The following RIPK4 variants were observed in gnomAD, a reference collection of about 807,000 sequenced individuals.
RIPK4 encodes receptor-interacting serine/threonine-protein kinase 4.
In RIPK4, 17 loss-of-function variants were observed where a neutral mutation model predicts 42.9. The observed-to-expected ratio is 0.40, with a 90% confidence interval of 0.27 to 0.59. RIPK4 has a LOEUF of 0.59. RIPK4 is among the 20% of genes least tolerant of loss of function. The pLI is 0.47. For synonymous variants in RIPK4, 498 were observed against 499.1 expected (o/e 1.00, Z 0.03); for missense variants, 897 against 1,104.4 (o/e 0.81, Z 2.66).
chr21:41,758,099 CA>C (rs2061210748), intron 1 of RIPK4, among the ~76,000 whole-genome samples: 1 of 113,488 alleles, frequency 8.8e-6, no homozygotes, highest in African/African-American at 3.5e-5. Context: ...ATAGACATAA[CA>C]TAGTATTTAT....
chr21:41,749,228 G>C (rs1353897907), intron 3 of RIPK4, 25 bp from the exon 4 acceptor site: 4 of 1,613,116 alleles, frequency 2.5e-6, no homozygotes. Context: ...AGGCACGTTA[G>C]CATCTGACAG....
chr21:41,758,041 T>TAC (rs1452050960), intron 1 of RIPK4, among the ~76,000 whole-genome samples: 2 of 58,518 alleles, frequency 3.4e-5, no homozygotes, highest in East Asian at 9.5e-4. Flanking sequence ...TATATATATA[T>TAC]AGAGAGAGAG....
intron 5 of RIPK4, 101 bp from the exon 6 acceptor site, chr21:41,745,963 C>A: frequency 4.0e-6 from 4 of 998,344 alleles, no homozygotes; most frequent in Non-Finnish European, 3.2e-6. Context: ...GGATTTCTCA[C>A]ACGCCTCGGC....
rs73906705 is a variant in RIPK4 at position 41,746,895 on chromosome 21, A to G, written c.674-124T>C. 4,078 of 1,096,478 alleles carry G rather than the reference A, an allele frequency of 3.7e-3. 117 individuals are homozygous for G. The African/African-American group carries it at 0.057, about 15-fold the overall frequency. The allele number at this position is 1,096,478 out of a possible 1,614,324, so 67.9% of individuals were successfully genotyped here. A position where few individuals can be genotyped will look rare whatever the true frequency, so the allele number is the denominator to read the frequency against. On this transcript the variant is annotated intron_variant, in intron 4 of 7. Coordinates refer to ENST00000332512, the MANE Select transcript of RIPK4 (RefSeq NM_020639.3). ...GCCATCCCCACACCACCCCAGGGAG[A>G]CGGCTCCCCCACTCCGTTTCAAAGG...
chr21:41,740,989 C>A lies in RIPK4; in HGVS notation c.2204G>T (p.Gly735Val). 6.2e-7 allele frequency: 1 copy of A among 1,610,960 alleles called. No individual in the cohort carries two copies. The highest frequency in any genetic ancestry group is 1.1e-5 in the South Asian group (1 of 91,036). ...GGCGGCCAGGTGCAGCGCGCTGAGC[C>A]CCTGCTCGTCGAACAGGTCAATGAC... ...ADVIDLFDEQGLSALHLAAQG... is the reference protein window; with the variant it reads ...ADVIDLFDEQVLSALHLAAQG... The change falls in exon 8 of 8, where the codon GGG becomes GTG. Residue 735 changes from glycine to valine, a missense_variant. Transcript: ENST00000332512.
At chr21:41,761,735 G>C (rs2061220947) in intron 1 of RIPK4, among the ~76,000 whole-genome samples, 1 of 152,224 alleles carries the variant, frequency 6.6e-6, no homozygotes, top group Non-Finnish European at 1.5e-5. Context: ...TGAGAACAAT[G>C]TCAATCAAAG....
In RIPK4 at chr21:41,742,083, G is replaced by A. The variant is rs2061156537; in HGVS notation, c.1196-86C>T. 3 of 1,203,336 alleles carry A rather than the reference G, an allele frequency of 2.5e-6. No individual in the cohort carries two copies. The Admixed American group carries it at 6.8e-5, about 27-fold the overall frequency. The allele number at this position is 1,203,336 out of a possible 1,614,324, so 74.5% of individuals were successfully genotyped here. On this transcript the variant is annotated intron_variant, in intron 7 of 7. Coordinates refer to ENST00000332512, the MANE Select transcript of RIPK4 (RefSeq NM_020639.3). This position sits in a 1 kb window ranked among gnomAD's most constrained non-coding sequence, Gnocchi z 5.1. ...CTGGGAGCCTGGCTGTGGCGCTCAG[G>A]TGGAGGAGTGCCATGGCCTCCAGGC...
At chr21:41,748,500 C>A (rs1190966521) in intron 4 of RIPK4, among the ~76,000 whole-genome samples, 1 of 152,202 alleles carries the variant, frequency 6.6e-6, no homozygotes, top group East Asian at 1.9e-4. Context: ...GGGAAGCAAA[C>A]ACCACAGCTC....
rs2061163093 is a variant in RIPK4 at position 41,744,112 on chromosome 21, G to A, written c.965C>T (p.Ser322Phe). The stretch of plus-strand genomic sequence containing the variant: ...GTAGTCGTTATCGAAGGTGGGGGCA[G>A]AGGCCCGCTTGAGCCTCGCAGGCAC... ...EVVPARLKRA[S>F]APTFDNDYSL... is the part of the protein sequence containing the mutation. The change falls in exon 7 of 8, where the codon TCT becomes TTT. Residue 322 changes from serine to phenylalanine, a missense_variant. Transcript: ENST00000332512. 4 of 1,604,170 alleles carry A rather than the reference G, an allele frequency of 2.5e-6. No homozygotes were observed. In the East Asian group the frequency reaches 9.0e-5, roughly 36 times the overall value.
At position 41,745,740 on chromosome 21, in the gene RIPK4, T is replaced by G; in HGVS notation, c.936+19A>C. On this transcript the variant is annotated intron_variant, in intron 6 of 7. Coordinates refer to ENST00000332512, the MANE Select transcript of RIPK4 (RefSeq NM_020639.3). Reference sequence around the variant, plus strand: ...GGAAGCCGAGGAGACAAAAGACCCCTGTGGGAAGGACTCGTTACCTCGCTC... The same window carrying G: ...GGAAGCCGAGGAGACAAAAGACCCCGGTGGGAAGGACTCGTTACCTCGCTC... 1 of 1,596,156 alleles carries G rather than the reference T, an allele frequency of 6.3e-7. No individual in the cohort carries two copies. Among genetic ancestry groups the G allele is most frequent in the Non-Finnish European group, 8.6e-7 (1 of 1,164,006 alleles).
In RIPK4 at chr21:41,742,921, A is replaced by G. The variant is rs1378625801; in HGVS notation, c.1196-924T>C. On this transcript the variant is annotated intron_variant, in intron 7 of 7. Transcript: ENST00000332512. This position sits in a 1 kb window ranked among gnomAD's most constrained non-coding sequence, Gnocchi z 5.1. The stretch of plus-strand genomic sequence containing the variant: ...TGCCCTGACTCTCCTCCTCAAGCCC[A>G]TCACCCACTGCTTATCTGCCGTCGA... Among the ~76,000 whole-genome samples the G allele has an allele frequency of 6.6e-6, 1 of 152,142 alleles. No individual in the cohort carries two copies. Among genetic ancestry groups the G allele is most frequent in the Non-Finnish European group, 1.5e-5 (1 of 68,016 alleles).
rs201928032 is a variant in RIPK4 at position 41,751,926 on chromosome 21, CG to C, written c.475-682del. The stretch of plus-strand genomic sequence containing the variant: ...GCAGCGCCCGGGCCCCAAGGAGCAC[CG>C]GCCACCCAGCTCCTCCAGGAATGCC... On this transcript the variant is annotated intron_variant, in intron 2 of 7. Coordinates refer to ENST00000332512, the MANE Select transcript of RIPK4 (RefSeq NM_020639.3). The surrounding 1 kb of genome is among the most constrained non-coding windows in gnomAD (Gnocchi z 4.5). Among the ~76,000 whole-genome samples, 10 of 152,302 alleles carry C rather than the reference CG, an allele frequency of 6.6e-5. 1 individual carries two copies. The East Asian group carries it at 1.9e-3, about 29-fold the overall frequency.
At chr21:41,743,094 G>A (rs2061159620) in intron 7 of RIPK4, among the ~76,000 whole-genome samples, 1 of 152,114 alleles carries the variant, frequency 6.6e-6, no homozygotes, top group Non-Finnish European at 1.5e-5. Context: ...AATCCACCAG[G>A]AAAAGCCAAC....
intron 1 of RIPK4, among the ~76,000 whole-genome samples, chr21:41,764,742 A>C (rs2061231132): frequency 6.6e-6 from 1 of 152,222 alleles, no homozygotes; most frequent in Non-Finnish European, 1.5e-5. Flanking sequence ...CCTCAGGCTC[A>C]ATACAGTCAA....
chr21:41,756,522 C>A lies in RIPK4; in HGVS notation c.474+3G>T, dbSNP rs750680682. On this transcript the variant is annotated splice_donor_region_variant and intron_variant, in intron 2 of 7. Transcript: ENST00000332512. ...CTCTCTCGGGCACCGTGCGGCCCCC[C>A]ACCTTGACGTGGTAGTGGGCATCCA... 21 of 1,610,948 alleles carry A rather than the reference C, an allele frequency of 1.3e-5. No homozygotes were observed. Among genetic ancestry groups the A allele is most frequent in the Non-Finnish European group, 1.6e-5 (19 of 1,178,636 alleles).
Position 41,751,402 on chromosome 21 carries a change from C to A in RIPK4, c.475-157G>T, listed in dbSNP as rs1352704535. Among the ~76,000 whole-genome samples the A allele has an allele frequency of 1.3e-5, 2 of 152,206 alleles. No individual in the cohort carries two copies. Among genetic ancestry groups the A allele is most frequent in the Non-Finnish European group, 2.9e-5 (2 of 68,034 alleles). ...TGTGCCTCTCCAGGTAGCCCTGCCC[C>A]AGGCAGGGAGGGAGACAGATTCTGG... On this transcript the variant is annotated intron_variant, in intron 2 of 7. Transcript: ENST00000332512. This position sits in a 1 kb window ranked among gnomAD's most constrained non-coding sequence, Gnocchi z 4.5.
chr21:41,746,043 C>G (rs766005168), intron 5 of RIPK4, 181 bp from the exon 6 acceptor site: 23 of 722,734 alleles, frequency 3.2e-5, no homozygotes, highest in South Asian at 1.7e-4. Flanking sequence ...CCAGGCCCCC[C>G]CATCGGTAAT....
chr21:41,762,636 C>T (rs534879158), intron 1 of RIPK4, among the ~76,000 whole-genome samples: 7 of 152,156 alleles, frequency 4.6e-5, no homozygotes, highest in Non-Finnish European at 7.3e-5. Context: ...CTCAGGTACT[C>T]GAAGCACAGA....
In RIPK4 at chr21:41,756,881, C is replaced by T. The variant is rs2061205362; in HGVS notation, c.183-65G>A. 2.6e-5 allele frequency: 40 copies of T among 1,543,602 alleles called. 1 individual carries two copies. The highest frequency in any genetic ancestry group is 2.0e-4 in the South Asian group (16 of 81,824). On this transcript the variant is annotated intron_variant, in intron 1 of 7. Coordinates refer to ENST00000332512, the MANE Select transcript of RIPK4 (RefSeq NM_020639.3). ...CTCAGCCACAAACATGGAACAGCAC[C>T]CTGGCCAGAAGACGACCAGCTCCAG...
Sources: allele counts gnomAD v4.1 joint callset (sites outside exome capture counted in the v4.1 genomes callset), GRCh38; gene constraint gnomAD v4.1.1; non-coding constraint Gnocchi (gnomAD v3.1); transcripts MANE v1.5; gene names NCBI Gene and HGNC (gene_info 2026-07-23, HGNC 2026-07-21).